The following RPS6KC1 variants were observed in gnomAD, a reference collection of about 807,000 sequenced individuals.
RPS6KC1 encodes ribosomal protein S6 kinase C1, also known as inactive ribosomal protein S6 kinase delta-1.
Under a neutral mutation model 103.8 loss-of-function variants are expected in RPS6KC1, and 54 were observed. The ratio of observed to expected loss-of-function variants is 0.52; its 90% CI spans 0.42 to 0.65. RPS6KC1 has a LOEUF of 0.65. Ranked by LOEUF, RPS6KC1 falls within the 30% of genes least tolerant of loss-of-function variation. RPS6KC1 has a pLI of 0.00. For synonymous variants in RPS6KC1, 439 were observed against 438.7 expected (o/e 1.00, Z -0.01); for missense variants, 1,151 against 1,253.8 (o/e 0.92, Z 1.24).
the RPS6KC1 span, among the ~76,000 whole-genome samples, chr1:213,824,917 C>T: frequency 2.2e-4 from 33 of 152,324 alleles, no homozygotes; most frequent in South Asian, 4.6e-3. Context: ...GTGGGACCAA[C>T]GGGCTGCCTA....
the RPS6KC1 span, among the ~76,000 whole-genome samples, chr1:213,363,726 CGTTCTT>C: frequency 9.0e-5 from 10 of 111,390 alleles, no homozygotes; most frequent in African/African-American, 3.7e-4. Context: ...TTCTTTCTTT[CGTTCTT>C]TCTTTCTCTC....
chr1:213,822,727 C>T, the RPS6KC1 span, among the ~76,000 whole-genome samples: 712 of 152,314 alleles, frequency 4.7e-3, 8 homozygotes, highest in African/African-American at 0.017. Flanking sequence ...GTCATCCTGG[C>T]TTCTTCTCTT....
At chr1:213,190,675 TTTTGC>T (rs1344167527) in intron 8 of RPS6KC1, among the ~76,000 whole-genome samples, 1 of 152,232 alleles carries the variant, frequency 6.6e-6, no homozygotes, top group African/African-American at 2.4e-5. Flanking sequence ...ATTTGTCCAT[TTTTGC>T]TTTGGTTGCC....
chr1:213,850,718 C>T, the RPS6KC1 span, among the ~76,000 whole-genome samples: 4 of 151,532 alleles, frequency 2.6e-5, no homozygotes, highest in Admixed American at 6.6e-5. Flanking sequence ...ATGATCCATG[C>T]TAGTTGTTTC....
the RPS6KC1 span, among the ~76,000 whole-genome samples, chr1:213,395,927 A>G: frequency 2.0e-5 from 3 of 152,250 alleles, no homozygotes; most frequent in South Asian, 2.1e-4. Flanking sequence ...GGTATTCCAT[A>G]AAAGGAAGGC....
chr1:213,295,008 G>A, the RPS6KC1 span, among the ~76,000 whole-genome samples: 6 of 152,056 alleles, frequency 3.9e-5, no homozygotes, highest in Non-Finnish European at 7.4e-5. Context: ...CCTGTGATTG[G>A]GGGTCTTGAA....
At chr1:213,534,154 C>T in the RPS6KC1 span, among the ~76,000 whole-genome samples, 1 of 152,170 alleles carries the variant, frequency 6.6e-6, no homozygotes, top group Non-Finnish European at 1.5e-5. Flanking sequence ...TGTGACTGGA[C>T]TCAGTGGAAG....
chr1:213,428,891 C>A, the RPS6KC1 span: 1 of 157,610 alleles, frequency 6.3e-6, no homozygotes, highest in Non-Finnish European at 1.4e-5. Context: ...TGTCAATGTG[C>A]ACATCTGGAA....
intron 3 of RPS6KC1, among the ~76,000 whole-genome samples, chr1:213,092,642 A>G (rs1453606289): frequency 1.3e-5 from 2 of 151,250 alleles, no homozygotes; most frequent in Non-Finnish European, 2.9e-5. Context: ...ACTGCACTCC[A>G]GCCTGGGTGA....
At chr1:213,265,501 T>C (rs1021001144) in intron 14 of RPS6KC1, among the ~76,000 whole-genome samples, 2 of 152,210 alleles carry the variant, frequency 1.3e-5, no homozygotes, top group African/African-American at 4.8e-5. Flanking sequence ...ATATTTGAAA[T>C]GTTAGATTTA....
At chr1:213,475,306 G>A in the RPS6KC1 span, among the ~76,000 whole-genome samples, 1 of 152,084 alleles carries the variant, frequency 6.6e-6, no homozygotes. Flanking sequence ...TCTACCTCAG[G>A]GGTCCAGAAG....
chr1:213,184,343 T>C lies in RPS6KC1; in HGVS notation c.1044+7851T>C, dbSNP rs559959659. Among the ~76,000 whole-genome samples the C allele has an allele frequency of 3.4e-4, 52 of 152,124 alleles. No homozygotes were observed. The South Asian group carries it at 9.3e-3, about 27-fold the overall frequency. Reference sequence around the variant, plus strand: ...AGGTATAGAAACCTTCAACAAAATATTAGAAAATAGCAACAAAATCTAAAA... The same window carrying C: ...AGGTATAGAAACCTTCAACAAAATACTAGAAAATAGCAACAAAATCTAAAA... On this transcript the variant is annotated intron_variant, in intron 8 of 14. Coordinates refer to ENST00000366960, the MANE Select transcript of RPS6KC1 (RefSeq NM_012424.6).
At chr1:213,118,297 T>TC (rs1356695109) in intron 5 of RPS6KC1, among the ~76,000 whole-genome samples, 1 of 152,050 alleles carries the variant, frequency 6.6e-6, no homozygotes, top group Non-Finnish European at 1.5e-5. Flanking sequence ...TAGTTTTTTT[T>TC]CAGGGAAGGT....
the RPS6KC1 span, among the ~76,000 whole-genome samples, chr1:213,442,763 C>T: frequency 3.5e-4 from 53 of 152,234 alleles, no homozygotes; most frequent in African/African-American, 1.2e-3. Context: ...TCTCTTTTCT[C>T]GGGAACTGCT....
At chr1:213,176,659 G>C in intron 8 of RPS6KC1, 167 bp downstream of exon 8, 4 of 450,684 alleles carry the variant, frequency 8.9e-6, no homozygotes, top group Non-Finnish European at 1.6e-5. Flanking sequence ...TTTTATCTGA[G>C]CAATTCATGT....
chr1:213,496,899 A>G, the RPS6KC1 span, among the ~76,000 whole-genome samples: 1 of 152,238 alleles, frequency 6.6e-6, no homozygotes, highest in African/African-American at 2.4e-5. Flanking sequence ...CAGTGGAAGC[A>G]TTTACACCAC....
At chr1:213,504,152 G>A in the RPS6KC1 span, among the ~76,000 whole-genome samples, 1 of 152,068 alleles carries the variant, frequency 6.6e-6, no homozygotes, top group African/African-American at 2.4e-5. Flanking sequence ...TTTTAATAAT[G>A]TATCTTTTTG....
the RPS6KC1 span, among the ~76,000 whole-genome samples, chr1:213,653,174 C>G: frequency 6.6e-6 from 1 of 152,160 alleles, no homozygotes; most frequent in South Asian, 2.1e-4. Flanking sequence ...CACTAGCATT[C>G]TAGTCTGGGT....
the RPS6KC1 span, among the ~76,000 whole-genome samples, chr1:213,298,209 A>C: frequency 6.6e-6 from 1 of 152,260 alleles, no homozygotes; most frequent in Non-Finnish European, 1.5e-5. Flanking sequence ...AAATTCTTGA[A>C]TAAGGGTGCA....
Sources: allele counts gnomAD v4.1 joint callset (sites outside exome capture counted in the v4.1 genomes callset), GRCh38; gene constraint gnomAD v4.1.1; transcripts MANE v1.5; gene names NCBI Gene and HGNC (gene_info 2026-07-23, HGNC 2026-07-21).